The following TCF3 variants were observed in gnomAD, a reference collection of about 807,000 sequenced individuals.
The protein encoded by TCF3 is transcription factor E2-alpha.
Under a neutral mutation model 72.3 loss-of-function variants are expected in TCF3, and 54 were observed. That is an observed-to-expected ratio of 0.75 (90% CI 0.60 to 0.94). The LOEUF is 0.94. TCF3 is among the 40% of genes least tolerant of loss of function. The pLI is 0.00. For synonymous variants in TCF3, 525 were observed against 412.6 expected (o/e 1.27, Z -3.30); for missense variants, 1,078 against 934.4 (o/e 1.15, Z -2.00).
intron 5 of TCF3, among the ~76,000 whole-genome samples, chr19:1,631,305 A>ATT (rs2063687905): frequency 6.7e-6 from 1 of 149,622 alleles, no homozygotes; most frequent in Non-Finnish European, 1.5e-5. Flanking sequence ...ATCTCGCTCC[A>ATT]TCACCCAGGC....
intron 5 of TCF3, among the ~76,000 whole-genome samples, chr19:1,631,652 A>C (rs1599811902): frequency 6.6e-6 from 1 of 151,836 alleles, no homozygotes; most frequent in Non-Finnish European, 1.5e-5. Context: ...ATGGGCTCTG[A>C]CCACCGCACA....
chr19:1,642,206 GCA>G (rs1465310497), intron 3 of TCF3, among the ~76,000 whole-genome samples: 14 of 148,642 alleles, frequency 9.4e-5, no homozygotes, highest in African/African-American at 2.2e-4. Flanking sequence ...ACGCAGACAC[GCA>G]CACACGCGCA....
intron 2 of TCF3, among the ~76,000 whole-genome samples, chr19:1,648,992 G>A (rs1327610491): frequency 1.3e-5 from 2 of 152,186 alleles, no homozygotes; most frequent in East Asian, 1.9e-4. Flanking sequence ...AGGGGGCTCC[G>A]GCATTCCAGC....
intron 18 of TCF3, among the ~76,000 whole-genome samples, chr19:1,613,376 A>T (rs969689846): frequency 6.6e-6 from 1 of 151,874 alleles, no homozygotes; most frequent in Non-Finnish European, 1.5e-5. Context: ...GTGGAGGGAG[A>T]TGGGGCCCTG....
rs865821344 is a variant in TCF3 at position 1,611,388 on chromosome 19, C to T, written c.*319G>A. 9 of 398,698 alleles carry T rather than the reference C, an allele frequency of 2.3e-5. No homozygotes were observed. In the East Asian group the frequency reaches 3.2e-4, roughly 14 times the overall value. 24.7% of individuals were successfully genotyped at this position (398,698 alleles called of 1,614,324 possible). A position where few individuals can be genotyped will look rare whatever the true frequency, so the allele number is the denominator to read the frequency against. On this transcript the variant is annotated 3_prime_UTR_variant, in exon 19 of 19. Transcript: ENST00000262965. The stretch of plus-strand genomic sequence containing the variant: ...TTGTTTACTGGAAAAAAAAAAAATG[C>T]TCCTGTCAGCCCAGGCAACAGGGCC...
chr19:1,619,655 G>C (rs933447419), intron 14 of TCF3, 125 bp downstream of exon 14: 6 of 1,265,846 alleles, frequency 4.7e-6, no homozygotes, highest in East Asian at 2.6e-5. Context: ...TGGCGGCCAC[G>C]AGGCCTCAAT....
Position 1,622,108 on chromosome 19 carries a change from C to T in TCF3, c.768G>A (p.Val256=). The T allele has an allele frequency of 6.2e-6, 10 of 1,604,078 alleles. No individual in the cohort carries two copies. The highest frequency in any genetic ancestry group is 7.6e-6 in the Non-Finnish European group (9 of 1,176,870). Residue 256 remains valine (V), a synonymous_variant, in exon 10 of 19, where the codon GTG becomes GTA. Coordinates refer to ENST00000262965, the MANE Select transcript of TCF3 (RefSeq NM_003200.5). The part of the protein sequence containing the change: ...PLPLPPGSGP[V]GSSGSSSTFG... Reference sequence around the variant, plus strand: ...ACGTGCTGCTGCTTCCACTGCTGCCCACCGGGCCGCTACCGGGCGGGAGGG... The same window carrying T: ...ACGTGCTGCTGCTTCCACTGCTGCCTACCGGGCCGCTACCGGGCGGGAGGG...
chr19:1,633,874 G>A (rs935439997), intron 3 of TCF3, among the ~76,000 whole-genome samples: 1 of 152,156 alleles, frequency 6.6e-6, no homozygotes, highest in Admixed American at 6.5e-5. Flanking sequence ...TGGGCACAGC[G>A]CCGGCACCCT....
At chr19:1,612,958 G>A (rs1258848900) in intron 18 of TCF3, among the ~76,000 whole-genome samples, 1 of 149,648 alleles carries the variant, frequency 6.7e-6, no homozygotes, top group African/African-American at 2.5e-5. Flanking sequence ...TTACGTTGCT[G>A]GGCACAGCAA....
At chr19:1,638,698 G>A (rs1016137810) in intron 3 of TCF3, among the ~76,000 whole-genome samples, 9 of 152,190 alleles carry the variant, frequency 5.9e-5, no homozygotes, top group South Asian at 4.1e-4. Flanking sequence ...TCTTCACAAC[G>A]CAGAATACTA....
chr19:1,642,671 C>A (rs2065507849), intron 3 of TCF3, among the ~76,000 whole-genome samples: 1 of 152,212 alleles, frequency 6.6e-6, no homozygotes, highest in Admixed American at 6.5e-5. Context: ...CGTGCTGTCA[C>A]CACGTTGGCC....
chr19:1,632,244 C>T, intron 4 of TCF3, 88 bp downstream of exon 4: 8 of 1,543,680 alleles, frequency 5.2e-6, no homozygotes, highest in Non-Finnish European at 6.1e-6. Context: ...AGGCTGGCCC[C>T]TTCTCTCAGC....
chr19:1,615,217 A>G lies in TCF3; in HGVS notation c.1822+68T>C. 1 of 1,505,354 alleles carries G rather than the reference A, an allele frequency of 6.6e-7. No individual in the cohort carries two copies. 93.2% of individuals were successfully genotyped at this position (1,505,354 alleles called of 1,614,324 possible). ...GCTCCAGGAAGGCGGGCGGGGAAGGAGAACGAGGGCAGGAACACGAGGGAG... is the reference window on the plus strand; with the variant it reads ...GCTCCAGGAAGGCGGGCGGGGAAGGGGAACGAGGGCAGGAACACGAGGGAG... On this transcript the variant is annotated intron_variant, in intron 18 of 18. Transcript: ENST00000262965. This position sits in a 1 kb window ranked among gnomAD's most constrained non-coding sequence, Gnocchi z 7.3.
chr19:1,626,063 C>T (rs938632490), intron 6 of TCF3, among the ~76,000 whole-genome samples: 3 of 152,174 alleles, frequency 2.0e-5, no homozygotes, highest in Non-Finnish European at 4.4e-5. Context: ...GTAAAGCCCT[C>T]GGTTGGATTC....
In TCF3 at chr19:1,612,294, G is replaced by A. The variant is rs2061085739; in HGVS notation, c.1823-445C>T. On this transcript the variant is annotated intron_variant, in intron 18 of 18. Coordinates refer to ENST00000262965, the MANE Select transcript of TCF3 (RefSeq NM_003200.5). The stretch of plus-strand genomic sequence containing the variant: ...GTCTGCGCTTTGTCCGACTTGAGGT[G>A]CATCTGGCACATGCGCCCCAGCTCC... 1.2e-6 allele frequency: 2 copies of A among 1,613,804 alleles called. No homozygotes were observed. Among genetic ancestry groups the A allele is most frequent in the Non-Finnish European group, 1.7e-6 (2 of 1,179,822 alleles).
rs755133719 is a variant in TCF3, at chr19:1,650,258, G to A, written c.-10C>T. 5 of 1,556,764 alleles carry A rather than the reference G, an allele frequency of 3.2e-6. No individual in the cohort carries two copies. The highest frequency in any genetic ancestry group is 4.7e-5 in the East Asian group (2 of 42,790). ...TCTGCGGCTGGTTCATTCTCCTGGG[G>A]CCAGGGCGGGCACCTCAGGCCTGGA... On this transcript the variant is annotated 5_prime_UTR_variant, in exon 2 of 19. Transcript: ENST00000262965.
In TCF3 at chr19:1,625,769, T is replaced by C. The variant is rs2062806691; in HGVS notation, c.367-61A>G. 7 of 1,431,704 alleles carry C rather than the reference T, an allele frequency of 4.9e-6. No homozygotes were observed. The South Asian group carries it at 7.2e-5, about 15-fold the overall frequency. 88.7% of individuals were successfully genotyped at this position (1,431,704 alleles called of 1,614,324 possible). A position where few individuals can be genotyped will look rare whatever the true frequency, so the allele number is the denominator to read the frequency against. On this transcript the variant is annotated intron_variant, in intron 6 of 18. Transcript: ENST00000262965. ...GGCATCCAGACCCCAGGCTGTTCCA[T>C]TCAAGAAAAAACTGCAAAGGCCGAA...
Position 1,622,154 on chromosome 19 carries a change from C to A in TCF3, c.722G>T (p.Gly241Val), listed in dbSNP as rs1022966069. The change falls in exon 10 of 19, where the codon GGT becomes GTT. Residue 241 changes from glycine to valine, a missense_variant. By Grantham distance (109) the Gly-to-Val change is moderately radical. Transcript: ENST00000262965. ...PGQAGFGPML[G>V]GGSSPLPLPP... ...GAGGGGCAGCGGGGATGAGCCCCCA[C>A]CCAGCATGGGCCCGAAGCCCGCCTG... 20 of 1,580,480 alleles carry A rather than the reference C, an allele frequency of 1.3e-5. No individual in the cohort carries two copies. Among genetic ancestry groups the A allele is most frequent in the Non-Finnish European group, 1.5e-5 (18 of 1,165,814 alleles).
At chr19:1,619,526 G>A (rs1244801424) in intron 14 of TCF3, 52 bp from the exon 15 acceptor site, 1 of 1,536,328 alleles carries the variant, frequency 6.5e-7, no homozygotes, top group South Asian at 1.2e-5. Context: ...GGACCCCACA[G>A]GCCTCCATTC....
Sources: allele counts gnomAD v4.1 joint callset (sites outside exome capture counted in the v4.1 genomes callset), GRCh38; gene constraint gnomAD v4.1.1; non-coding constraint Gnocchi (gnomAD v3.1); transcripts MANE v1.5; gene names NCBI Gene and HGNC (gene_info 2026-07-23, HGNC 2026-07-21).